The following DLGAP4 variants were observed in gnomAD, a reference collection of about 807,000 sequenced individuals.
The protein encoded by DLGAP4 is DLG associated protein 4, also known as disks large-associated protein 4.
DLGAP4 carries 18 observed loss-of-function variants against 86.9 expected under a neutral mutation model. That is an observed-to-expected ratio of 0.21 (90% CI 0.14 to 0.31). The LOEUF is 0.31. Ranked by LOEUF, DLGAP4 falls within the 10% of genes least tolerant of loss-of-function variation. DLGAP4 has a pLI of 1.00. For missense variants in DLGAP4, 1,085 were observed against 1,362.6 expected (o/e 0.80, Z 3.21); for synonymous variants, 548 against 574.3 (o/e 0.95, Z 0.65).
intron 2 of DLGAP4, among the ~76,000 whole-genome samples, chr20:36,398,920 C>T (rs577352670): frequency 3.3e-5 from 5 of 152,194 alleles, no homozygotes; most frequent in South Asian, 2.1e-4. Context: ...TGGCCAGGCG[C>T]GGTGGCTCAC....
intron 1 of DLGAP4, among the ~76,000 whole-genome samples, chr20:36,317,247 C>CTT (rs1309548419): frequency 3.8e-5 from 2 of 53,168 alleles, no homozygotes; most frequent in African/African-American, 1.2e-4. Flanking sequence ...TTCTTTCTTT[C>CTT]TTTCTTTCTT....
At chr20:36,324,000 A>C (rs2065194079) in intron 1 of DLGAP4, among the ~76,000 whole-genome samples, 1 of 152,242 alleles carries the variant, frequency 6.6e-6, no homozygotes, top group African/African-American at 2.4e-5. Context: ...TTATAGCACA[A>C]AAGTTTTAAA....
At chr20:36,336,885 C>T (rs10446018) in intron 1 of DLGAP4, among the ~76,000 whole-genome samples, 31,169 of 152,258 alleles carry the variant, frequency 0.2, 4,294 homozygotes, top group Non-Finnish European at 0.31. Flanking sequence ...TGGAGCCCAG[C>T]AGACCCCAGA....
At chr20:36,342,304 G>A (rs567400040) in intron 1 of DLGAP4, among the ~76,000 whole-genome samples, 26 of 152,210 alleles carry the variant, frequency 1.7e-4, no homozygotes, top group Non-Finnish European at 3.2e-4. Flanking sequence ...GCCAAGGCAC[G>A]GCCTCCAGAA....
chr20:36,503,588 C>T (rs1482244104), intron 10 of DLGAP4, among the ~76,000 whole-genome samples: 25 of 147,950 alleles, frequency 1.7e-4, no homozygotes, highest in East Asian at 1.2e-3. Flanking sequence ...CCTAGGTTCA[C>T]GCCATTCTCC....
intron 10 of DLGAP4, among the ~76,000 whole-genome samples, chr20:36,510,158 G>A (rs1393525170): frequency 6.6e-6 from 1 of 151,816 alleles, no homozygotes; most frequent in Non-Finnish European, 1.5e-5. Context: ...TCTTTCTTCA[G>A]TGTTTAGTGA....
At chr20:36,438,911 A>G (rs1569499809) in intron 4 of DLGAP4, among the ~76,000 whole-genome samples, 1 of 151,744 alleles carries the variant, frequency 6.6e-6, no homozygotes. Flanking sequence ...GAGCCACCGC[A>G]CCTGGCCTAG....
intron 1 of DLGAP4, among the ~76,000 whole-genome samples, chr20:36,353,180 A>G (rs1239923743): frequency 6.6e-6 from 1 of 152,168 alleles, no homozygotes; most frequent in African/African-American, 2.4e-5. Flanking sequence ...ACGAGCTCAG[A>G]GCAGAGGGTG....
At chr20:36,496,154 G>A (rs991095301) in intron 7 of DLGAP4, among the ~76,000 whole-genome samples, 1 of 152,118 alleles carries the variant, frequency 6.6e-6, no homozygotes, top group Non-Finnish European at 1.5e-5. Flanking sequence ...CTACAGGCGT[G>A]AGCCACTGCG....
In DLGAP4 at chr20:36,432,180, C is replaced by G; in HGVS notation, c.463C>G (p.Pro155Ala). 1 of 1,614,194 alleles carries G rather than the reference C, an allele frequency of 6.2e-7. No individual in the cohort carries two copies. Among genetic ancestry groups the G allele is most frequent in the Non-Finnish European group, 8.5e-7 (1 of 1,180,054 alleles). The change falls in exon 3 of 13, where the codon CCC becomes GCC. Residue 155 changes from proline to alanine, a missense_variant. Transcript: ENST00000339266. This position sits in a 1 kb window ranked among gnomAD's most constrained non-coding sequence, Gnocchi z 6.5. ...SVQRLFFTKA[P>A]SLEGTAGKVG... Reference sequence around the variant, plus strand: ...CCAGCGGCTTTTCTTCACCAAGGCACCCTCACTGGAGGGCACAGCGGGCAA... The same window carrying G: ...CCAGCGGCTTTTCTTCACCAAGGCAGCCTCACTGGAGGGCACAGCGGGCAA...
chr20:36,398,631 G>A (rs1026956865), intron 2 of DLGAP4, among the ~76,000 whole-genome samples: 4 of 152,176 alleles, frequency 2.6e-5, no homozygotes, highest in African/African-American at 9.7e-5. Context: ...TGTTCTATGT[G>A]ATTGCCTCGT....
chr20:36,411,580 T>G (rs2032500530), intron 2 of DLGAP4, among the ~76,000 whole-genome samples: 1 of 152,210 alleles, frequency 6.6e-6, no homozygotes, highest in Admixed American at 6.5e-5. Flanking sequence ...ATTTCCCACG[T>G]GCATAAGGCA....
rs2035907257 is a variant in DLGAP4, at chr20:36,496,814, G to A, written c.1758G>A (p.Gln586=). 1 of 1,614,114 alleles carries A rather than the reference G, an allele frequency of 6.2e-7. No individual in the cohort carries two copies. The highest frequency in any genetic ancestry group is 8.5e-7 in the Non-Finnish European group (1 of 1,180,052). ...TCCAGAGCAGTACTGAGTCTGCCCA[G>A]GACACCTACCTGGACAGCCAGGACC... ...VTVQSSTESA[Q]DTYLDSQDHK... is the part of the protein sequence containing the mutation. The change falls in exon 8 of 13, where the codon CAG becomes CAA. Residue 586 remains glutamine (Q), a synonymous_variant. Transcript: ENST00000339266.
chr20:36,347,989 A>T (rs1383973595), intron 1 of DLGAP4, among the ~76,000 whole-genome samples: 2 of 152,130 alleles, frequency 1.3e-5, no homozygotes, highest in African/African-American at 2.4e-5. Flanking sequence ...GCTTCACCTC[A>T]TGATTCCTGA....
intron 4 of DLGAP4, 149 bp downstream of exon 4, chr20:36,436,499 T>C (rs896239703): frequency 7.5e-7 from 1 of 1,339,748 alleles, no homozygotes; most frequent in Non-Finnish European, 9.8e-7. Context: ...TCATGAGTCC[T>C]GCTTCTTGAG....
In DLGAP4 at chr20:36,525,792, G is replaced by A. The variant is rs181363072; in HGVS notation, c.2605-59G>A. 399 of 1,596,536 alleles carry A rather than the reference G, an allele frequency of 2.5e-4. No individual in the cohort carries two copies. The African/African-American group carries it at 4.7e-3, about 19-fold the overall frequency. On this transcript the variant is annotated intron_variant, in intron 11 of 12. Transcript: ENST00000339266. The stretch of plus-strand genomic sequence containing the variant: ...GAGGAACCCTGCTTGTTGGGGGGTT[G>A]GGGGGAGCAGGACAAGCCTCTGCTG...
At chr20:36,319,718 T>C (rs1569453527) in intron 1 of DLGAP4, among the ~76,000 whole-genome samples, 3 of 152,150 alleles carry the variant, frequency 2.0e-5, no homozygotes. Context: ...AGTGCCTTTC[T>C]TGCTGCCCAA....
At chr20:36,358,180 G>A (rs1380941819) in intron 1 of DLGAP4, among the ~76,000 whole-genome samples, 1 of 152,240 alleles carries the variant, frequency 6.6e-6, no homozygotes, top group Non-Finnish European at 1.5e-5. Context: ...GTCAAGGCCC[G>A]ACCTCCCCCA....
chr20:36,402,645 G>A (rs937350793), intron 2 of DLGAP4, among the ~76,000 whole-genome samples: 4 of 152,128 alleles, frequency 2.6e-5, no homozygotes, highest in African/African-American at 9.7e-5. Context: ...CTACTTGGGA[G>A]GCTGAGGCAG....
Sources: allele counts gnomAD v4.1 joint callset (sites outside exome capture counted in the v4.1 genomes callset), GRCh38; gene constraint gnomAD v4.1.1; non-coding constraint Gnocchi (gnomAD v3.1); transcripts MANE v1.5; gene names NCBI Gene and HGNC (gene_info 2026-07-23, HGNC 2026-07-21).